C4orf17: variants seen among roughly 807,000 people sequenced by gnomAD.
C4orf17 encodes the protein uncharacterized protein C4orf17.
C4orf17 carries 25 observed loss-of-function variants against 32.0 expected under a neutral mutation model. The observed-to-expected ratio is 0.78, with a 90% CI of 0.57 to 1.09. The LOEUF is 1.09. Among genes scored for constraint, C4orf17 ranks in the 50% least tolerant of loss-of-function variants. The pLI is 0.00. For synonymous variants in C4orf17, 149 were observed against 145.8 expected (o/e 1.02, Z -0.16); for missense variants, 420 against 420.0 (o/e 1.00, Z 0.00).
intron 4 of C4orf17, among the ~76,000 whole-genome samples, chr4:99,528,157 G>C (rs1037161065): frequency 1.3e-5 from 2 of 152,222 alleles, no homozygotes; most frequent in African/African-American, 4.8e-5. Context: ...TCTGTAAGAA[G>C]TACCCTTTTA....
chr4:99,539,236 C>A lies in C4orf17; in HGVS notation c.702C>A (p.Asn234Lys). ...ACCTGTTAACTCATCACAGAAGAAACACCTCAATGGAACCAGCAGCAGAGA... is the reference window on the plus strand; with the variant it reads ...ACCTGTTAACTCATCACAGAAGAAAAACCTCAATGGAACCAGCAGCAGAGA... ...EINLLTHHRR[N>K]TSMEPAAETG... Residue 234 changes from asparagine to lysine, a missense_variant, in exon 7 of 9, where the codon AAC becomes AAA. By Grantham distance (94) the Asn-to-Lys change is moderately conservative. Transcript: ENST00000326581. 1 of 1,613,974 alleles carries A rather than the reference C, an allele frequency of 6.2e-7. No individual in the cohort carries two copies. Among genetic ancestry groups the A allele is most frequent in the Non-Finnish European group, 8.5e-7 (1 of 1,179,938 alleles).
chr4:99,511,423 CT>C (rs35370166), intron 1 of C4orf17, among the ~76,000 whole-genome samples, 151 bp downstream of exon 1: 9,907 of 144,468 alleles, frequency 0.069, 568 homozygotes, highest in South Asian at 0.17. Flanking sequence ...TTCTTGTTGA[CT>C]TTTTTTTTTT....
intron 3 of C4orf17, among the ~76,000 whole-genome samples, chr4:99,523,179 C>T (rs1723326747): frequency 6.6e-6 from 1 of 152,130 alleles, no homozygotes; most frequent in African/African-American, 2.4e-5. Flanking sequence ...CAGCACAGTG[C>T]CTGGTCCTTA....
intron 2 of C4orf17, among the ~76,000 whole-genome samples, chr4:99,518,536 TATATATATAG>T (rs1368737508): frequency 4.1e-5 from 3 of 73,320 alleles, no homozygotes; most frequent in African/African-American, 7.6e-5. Flanking sequence ...TATATATATA[TATATATATAG>T]AGAGAGAGAG....
Position 99,511,250 on chromosome 4 carries a change from C to T in C4orf17, c.-116C>T, listed in dbSNP as rs1257838061. The T allele has an allele frequency of 6.6e-6, 1 of 152,124 alleles. No individual in the cohort carries two copies. Among genetic ancestry groups the T allele is most frequent in the Non-Finnish European group, 1.5e-5 (1 of 68,024 alleles). The allele number at this position is 152,124 out of a possible 1,614,324, so 9.4% of individuals were successfully genotyped here. A position where few individuals can be genotyped will look rare whatever the true frequency, so the allele number is the denominator to read the frequency against. On this transcript the variant is annotated 5_prime_UTR_variant, in exon 1 of 9. Transcript: ENST00000326581. ...ACTTGAGTTCTTGTCAGCAAGATCA[C>T]CTGCTTTTAATATTGTCCTCAGGTA...
intron 2 of C4orf17, among the ~76,000 whole-genome samples, chr4:99,521,254 TC>T (rs1723282861): frequency 6.6e-6 from 1 of 151,972 alleles, no homozygotes; most frequent in South Asian, 2.1e-4. Flanking sequence ...ACATCTGTAA[TC>T]CCAGCTACTC....
Position 99,522,627 on chromosome 4 carries a change from C to CA in C4orf17, c.256dup (p.Ser86LysfsTer28). On this transcript the variant is annotated frameshift_variant, in exon 3 of 9. Coordinates refer to ENST00000326581, the MANE Select transcript of C4orf17 (RefSeq NM_032149.3). LOFTEE classifies it high-confidence loss of function. ...CATTTGCCAATTGCAGTTACCCCTCCAGCACTGCAGTCCAGGAGAGCCCTG... is the reference window on the plus strand; with the variant it reads ...CATTTGCCAATTGCAGTTACCCCTCCAAGCACTGCAGTCCAGGAGAGCCCTG... 1.9e-6 allele frequency: 3 copies of CA among 1,613,426 alleles called. No homozygotes were observed. The highest frequency in any genetic ancestry group is 3.3e-5 in the Admixed American group (2 of 59,988).
Position 99,529,864 on chromosome 4 carries a change from C to T in C4orf17, c.452C>T (p.Thr151Ile), listed in dbSNP as rs767101343. ...RPPSPPKACS[T>I]PGSCSSGMTS... ...CCATCACCTCCAAAGGCATGCTCTA[C>T]TCCTGGCTCCTGTTCTTCAGGGATG... The change falls in exon 5 of 9, where the codon ACT becomes ATT. Residue 151 changes from threonine (T) to isoleucine (I), a missense_variant. Thr to Ile is a moderately conservative substitution (Grantham distance 89). Transcript: ENST00000326581. 6.2e-7 allele frequency: 1 copy of T among 1,613,168 alleles called. No individual in the cohort carries two copies. The highest frequency in any genetic ancestry group is 1.1e-5 in the South Asian group (1 of 91,008).
At chr4:99,513,277 G>A (rs1371397156) in intron 2 of C4orf17, 69 bp downstream of exon 2, 6 of 1,576,240 alleles carry the variant, frequency 3.8e-6, no homozygotes, top group Non-Finnish European at 4.3e-6. Flanking sequence ...AATTCTGGCA[G>A]GTAAACACAA....
chr4:99,541,933 C>T lies in C4orf17; in HGVS notation c.904C>T (p.Leu302Phe), dbSNP rs1293920253. Residue 302 changes from leucine (L) to phenylalanine (F), a missense_variant, in exon 9 of 9, where the codon CTT (leucine) becomes TTT (phenylalanine). Physicochemically the swap from Leu to Phe is conservative, Grantham distance 22. Coordinates refer to ENST00000326581, the MANE Select transcript of C4orf17 (RefSeq NM_032149.3). ...AGAGGCTGAGCACAAGCCTCCACTA[C>T]TTATAAGAAGAAATAATATGAAAAT... is the stretch of plus-strand genomic sequence containing the variant. ...PKEAEHKPPL[L>F]IRRNNMKIPV... 4.3e-6 allele frequency: 7 copies of T among 1,613,488 alleles called. No individual in the cohort carries two copies. Among genetic ancestry groups the T allele is most frequent in the Non-Finnish European group, 5.9e-6 (7 of 1,179,824 alleles).
At chr4:99,525,464 T>C (rs1156910293) in intron 4 of C4orf17, among the ~76,000 whole-genome samples, 1 of 152,206 alleles carries the variant, frequency 6.6e-6, no homozygotes, top group East Asian at 1.9e-4. Context: ...TATCTTTTTA[T>C]GGGAAATATA....
intron 5 of C4orf17, 56 bp from the exon 6 acceptor site, chr4:99,537,613 C>G: frequency 8.0e-7 from 1 of 1,251,950 alleles, no homozygotes; most frequent in East Asian, 2.3e-5. Flanking sequence ...TAAAGGAAAA[C>G]TGATAAGCCT....
intron 5 of C4orf17, among the ~76,000 whole-genome samples, chr4:99,530,338 A>G (rs1390501464): frequency 6.6e-6 from 1 of 152,134 alleles, no homozygotes; most frequent in Non-Finnish European, 1.5e-5. Context: ...CCTCCAATCA[A>G]CATTCATCTC....
chr4:99,513,477 A>C (rs866597185), intron 2 of C4orf17, among the ~76,000 whole-genome samples: 2 of 152,218 alleles, frequency 1.3e-5, no homozygotes, highest in Non-Finnish European at 2.9e-5. Context: ...CAAAGTGGCC[A>C]GGAAAATGGG....
chr4:99,535,149 C>T (rs1216605869), intron 5 of C4orf17, among the ~76,000 whole-genome samples: 1 of 152,096 alleles, frequency 6.6e-6, no homozygotes, highest in Non-Finnish European at 1.5e-5. Flanking sequence ...CCTGGCCTTT[C>T]TCTCTGGCTG....
intron 2 of C4orf17, among the ~76,000 whole-genome samples, chr4:99,520,687 C>T (rs1723273113): frequency 6.6e-6 from 1 of 152,092 alleles, no homozygotes; most frequent in African/African-American, 2.4e-5. Flanking sequence ...TATTTGTCTG[C>T]CTTAGAAATC....
chr4:99,529,197 T>A (rs1723438060), intron 4 of C4orf17, among the ~76,000 whole-genome samples: 1 of 152,230 alleles, frequency 6.6e-6, no homozygotes. Flanking sequence ...AAGCCTTTCC[T>A]GGAACAGGCC....
intron 3 of C4orf17, among the ~76,000 whole-genome samples, chr4:99,524,084 A>T (rs1480632890): frequency 2.8e-5 from 4 of 144,852 alleles, no homozygotes; most frequent in Non-Finnish European, 6.0e-5. Flanking sequence ...GGTTCACGCC[A>T]TTCTCCTGCC....
chr4:99,530,044 T>A, intron 5 of C4orf17, 86 bp downstream of exon 5: 2 of 1,020,254 alleles, frequency 2.0e-6, no homozygotes, highest in South Asian at 1.9e-5. Context: ...TTAAAACTCT[T>A]AAATGATTCC....
Sources: gnomAD v4.1 joint callset for allele counts (sites outside exome capture counted in the v4.1 genomes callset) on GRCh38, gnomAD v4.1.1 for gene constraint, MANE v1.5 for transcripts, NCBI Gene and HGNC (gene_info 2026-07-23, HGNC 2026-07-21) for gene names.